AFF1: variants seen among roughly 807,000 people sequenced by gnomAD.
The protein encoded by AFF1 is ALF transcription elongation factor 1.
A neutral mutation model predicts 121.7 loss-of-function variants in AFF1; 48 were observed. That is an observed-to-expected ratio of 0.39 (90% CI 0.31 to 0.50). AFF1 has a LOEUF of 0.50. Ranked by LOEUF, AFF1 falls within the 20% of genes least tolerant of loss-of-function variation. The pLI is 0.76. For missense variants in AFF1, 1,523 were observed against 1,511.7 expected, an observed-to-expected ratio of 1.01 and a Z score of -0.12; for synonymous variants, 613 against 563.0, an observed-to-expected ratio of 1.09 and a Z score of -1.26.
chr4:87,022,145 C>T (rs543066076), intron 2 of AFF1, among the ~76,000 whole-genome samples: 117 of 131,786 alleles, frequency 8.9e-4, no homozygotes, highest in African/African-American at 3.2e-3. Context: ...GCAGAGGTTT[C>T]GGTGAGCCGA....
intron 4 of AFF1, among the ~76,000 whole-genome samples, chr4:87,059,523 C>G (rs1308790616): frequency 6.6e-6 from 1 of 152,204 alleles, no homozygotes; most frequent in Admixed American, 6.5e-5. Flanking sequence ...TCTCATCTTG[C>G]TGTTTTCCTG....
intron 4 of AFF1, among the ~76,000 whole-genome samples, chr4:87,058,521 C>T (rs1720390474): frequency 1.3e-5 from 2 of 151,974 alleles, no homozygotes; most frequent in Non-Finnish European, 2.9e-5. Context: ...GTGCCACCCC[C>T]GCCCCCAAAT....
rs144937602 is a variant in AFF1 at position 87,015,097 on chromosome 4, AGTT to A, written c.39-31062_39-31060del. On this transcript the variant is annotated intron_variant, in intron 2 of 20. Coordinates refer to ENST00000395146, the MANE Select transcript of AFF1 (RefSeq NM_001166693.3). The stretch of plus-strand genomic sequence containing the variant: ...TATTGAGTTAATATTGCTGGGTTTT[AGTT>A]GTTGTTTATTTGCTGAAAGGATAGT... Among the ~76,000 whole-genome samples, 1,376 of 152,282 alleles carry A rather than the reference AGTT, an allele frequency of 9.0e-3. 24 individuals carry two copies. Among genetic ancestry groups the A allele is most frequent in the African/African-American group, 0.032 (1,323 of 41,568 alleles).
At chr4:87,042,379 G>T (rs1451219614) in intron 2 of AFF1, among the ~76,000 whole-genome samples, 1 of 152,216 alleles carries the variant, frequency 6.6e-6, no homozygotes, top group Non-Finnish European at 1.5e-5. Context: ...GCAACCCAGA[G>T]CAGGGGCTCA....
At chr4:86,996,957 G>T (rs1031112996) in intron 2 of AFF1, among the ~76,000 whole-genome samples, 3 of 152,090 alleles carry the variant, frequency 2.0e-5, no homozygotes, top group African/African-American at 7.2e-5. Context: ...TGTTGCCCAG[G>T]CTGGAGTGCA....
chr4:86,976,109 T>C (rs1723283967), intron 2 of AFF1, among the ~76,000 whole-genome samples: 1 of 152,162 alleles, frequency 6.6e-6, no homozygotes. Context: ...GAAGGGAACT[T>C]CTGTAGTGGG....
At position 87,138,428 on chromosome 4, in the gene AFF1, G is replaced by T. The variant is rs1729466798; in HGVS notation, c.*2727G>T. On this transcript the variant is annotated 3_prime_UTR_variant, in exon 21 of 21. Transcript: ENST00000395146. Reference sequence around the variant, plus strand: ...AATAATAGTACACACTTCAGAGTAAGACAAATGCAAAGCATCTTAAGGAGT... The same window carrying T: ...AATAATAGTACACACTTCAGAGTAATACAAATGCAAAGCATCTTAAGGAGT... 4.3e-6 allele frequency: 1 copy of T among 232,754 alleles called. No individual in the cohort carries two copies. 14.4% of individuals were successfully genotyped at this position (232,754 alleles called of 1,614,324 possible). A position where few individuals can be genotyped will look rare whatever the true frequency, so the allele number is the denominator to read the frequency against.
At chr4:87,096,479 G>C (rs757916663) in intron 8 of AFF1, among the ~76,000 whole-genome samples, 18 of 145,054 alleles carry the variant, frequency 1.2e-4, no homozygotes, top group African/African-American at 3.9e-4. Context: ...CAGTTCTCCT[G>C]CCTCAGCCTC....
intron 12 of AFF1, among the ~76,000 whole-genome samples, chr4:87,118,942 G>A (rs1727391305): frequency 6.6e-6 from 1 of 152,154 alleles, no homozygotes; most frequent in South Asian, 2.1e-4. Flanking sequence ...GCCTTCTAGA[G>A]GTTTCCCATT....
At chr4:87,029,429 G>A (rs1347172796) in intron 2 of AFF1, among the ~76,000 whole-genome samples, 2 of 152,150 alleles carry the variant, frequency 1.3e-5, no homozygotes, top group African/African-American at 2.4e-5. Context: ...TTTTATGTAC[G>A]TAAAGGTATT....
chr4:86,957,068 T>TAATTCTCCTCCACAA (rs572226840), intron 2 of AFF1, among the ~76,000 whole-genome samples: 90 of 152,318 alleles, frequency 5.9e-4, no homozygotes, highest in Middle Eastern at 3.4e-3. Context: ...GAGAATGAAT[T>TAATTCTCCTCCACAA]AATATTAATA....
chr4:87,123,750 A>G (rs1363383486), intron 12 of AFF1, among the ~76,000 whole-genome samples: 1 of 152,038 alleles, frequency 6.6e-6, no homozygotes, highest in East Asian at 1.9e-4. Flanking sequence ...GCAGATTTGG[A>G]GCCTACACAT....
chr4:87,054,773 G>A (rs1719930707), intron 4 of AFF1, among the ~76,000 whole-genome samples: 1 of 152,154 alleles, frequency 6.6e-6, no homozygotes, highest in East Asian at 1.9e-4. Context: ...AAATATAGAA[G>A]TTTTAAAATA....
intron 2 of AFF1, among the ~76,000 whole-genome samples, chr4:87,028,446 T>G (rs1728745444): frequency 6.6e-6 from 1 of 152,234 alleles, no homozygotes; most frequent in African/African-American, 2.4e-5. Context: ...TTGGTGTGTA[T>G]CTGGGAAGAT....
chr4:87,102,450 T>G (rs1019138585), intron 8 of AFF1, among the ~76,000 whole-genome samples: 1 of 152,230 alleles, frequency 6.6e-6, no homozygotes, highest in Admixed American at 6.5e-5. Flanking sequence ...TTCTAACCAT[T>G]GTGTAATACA....
At position 87,115,151 on chromosome 4, in the gene AFF1, C is replaced by G. The variant is rs1726969189; in HGVS notation, c.2318C>G (p.Thr773Ser). 1 of 1,614,060 alleles carries G rather than the reference C, an allele frequency of 6.2e-7. No homozygotes were observed. Among genetic ancestry groups the G allele is most frequent in the Non-Finnish European group, 8.5e-7 (1 of 1,180,040 alleles). ...CCACAAAGCTTGATGGTGAAGATCA[C>G]CCTAGACCTGCTCTCTCGGATACCC... ...PPPQSLMVKI[T>S]LDLLSRIPQP... Residue 773 changes from threonine to serine, a missense_variant, in exon 12 of 21, where the codon ACC (threonine) becomes AGC (serine). Thr to Ser is a moderately conservative substitution (Grantham distance 58, BLOSUM62 1). Around this residue, in one of 5 missense-constraint regions of AFF1, gnomAD observed 905 missense variants for 842.5 expected, o/e 1.07. Transcript: ENST00000395146.
chr4:87,028,357 A>G (rs772472639), intron 2 of AFF1, among the ~76,000 whole-genome samples: 25 of 151,890 alleles, frequency 1.6e-4, no homozygotes, highest in Non-Finnish European at 3.2e-4. Context: ...TTTTAAGTGT[A>G]CTGGCCCATT....
rs544610858 is a variant in AFF1 at position 87,099,475 on chromosome 4, C to T, written c.1283+4506C>T. Among the ~76,000 whole-genome samples the T allele has an allele frequency of 2.1e-3, 317 of 152,204 alleles. 5 individuals are homozygous for T. The highest frequency in any genetic ancestry group is 6.5e-3 in the African/African-American group (269 of 41,528). On this transcript the variant is annotated intron_variant, in intron 8 of 20. Transcript: ENST00000395146. ...CCCAGGCTGGAGTGCAGTGGGGTGACCTCGGTTACTGCAACCTCCACCTTC... is the reference window on the plus strand; with the variant it reads ...CCCAGGCTGGAGTGCAGTGGGGTGATCTCGGTTACTGCAACCTCCACCTTC...
rs116614183 is a variant in AFF1, at chr4:87,052,371, C to T, written c.1059+4777C>T. 1.8e-3 allele frequency among the ~76,000 whole-genome samples: 281 copies of T among 152,212 alleles called. 1 individual carries two copies. The highest frequency in any genetic ancestry group is 6.8e-3 in the Middle Eastern group (2 of 294). On this transcript the variant is annotated intron_variant, in intron 4 of 20. Transcript: ENST00000395146. ...GAGGTTGTAGGGAGTTGAGATACTG[C>T]CACTGAACTCCAGCCTGAGCGACAG...
Sources: allele counts gnomAD v4.1 joint callset (sites outside exome capture counted in the v4.1 genomes callset), GRCh38; gene constraint gnomAD v4.1.1; regional missense constraint gnomAD v4.1.1; transcripts MANE v1.5; gene names NCBI Gene and HGNC (gene_info 2026-07-23, HGNC 2026-07-21).